The following CMC1 variants were observed in gnomAD, a reference collection of about 807,000 sequenced individuals.
The protein encoded by CMC1 is COX assembly mitochondrial protein homolog.
CMC1 carries 14 observed loss-of-function variants against 14.1 expected under a neutral mutation model. The ratio of observed to expected loss-of-function variants is 0.99; its 90% CI spans 0.66 to 1.55. CMC1 has a LOEUF of 1.55. CMC1 is among the 40% of genes most tolerant of loss of function. CMC1 has a pLI of 0.00. For synonymous variants in CMC1, 50 were observed against 38.4 expected (o/e 1.30, Z -1.12); for missense variants, 127 against 123.8 (o/e 1.03, Z -0.12).
At chr3:28,264,200 G>A (rs918902733) in intron 2 of CMC1, among the ~76,000 whole-genome samples, 2 of 152,198 alleles carry the variant, frequency 1.3e-5, no homozygotes, top group African/African-American at 4.8e-5. Flanking sequence ...CACTTTCCCT[G>A]TGGTCATCTT....
intron 1 of CMC1, among the ~76,000 whole-genome samples, chr3:28,255,202 A>G (rs1472139323): frequency 6.8e-6 from 1 of 147,092 alleles, no homozygotes; most frequent in Non-Finnish European, 1.5e-5. Flanking sequence ...CTCTCCAACC[A>G]TGCTTCCAGT....
chr3:28,324,615 G>A lies in CMC1; in HGVS notation c.*4986G>A, dbSNP rs1703312804. 1 of 557,970 alleles carries A rather than the reference G, an allele frequency of 1.8e-6. No homozygotes were observed. Among genetic ancestry groups the A allele is most frequent in the South Asian group, 7.1e-5 (1 of 14,080 alleles). 34.6% of individuals were successfully genotyped at this position (557,970 alleles called of 1,614,324 possible). ...TGTGACTAGGAGATAAATGACAGAT[G>A]ATCTGAGTTTTAATCCTGGATCAGC... On this transcript the variant is annotated 3_prime_UTR_variant, in exon 4 of 4. Transcript: ENST00000466830.
At chr3:28,315,639 C>T (rs1025640062) in intron 2 of CMC1, among the ~76,000 whole-genome samples, 2 of 152,280 alleles carry the variant, frequency 1.3e-5, no homozygotes, top group East Asian at 3.9e-4. Context: ...CTAGAATATA[C>T]AGTCGTGCAC....
intron 1 of CMC1, among the ~76,000 whole-genome samples, chr3:28,243,403 A>G (rs1698637024): frequency 6.6e-6 from 1 of 152,218 alleles, no homozygotes; most frequent in South Asian, 2.1e-4. Context: ...GTAATCTCAT[A>G]CGGATGAGGA....
chr3:28,258,586 G>T, intron 1 of CMC1, among the ~76,000 whole-genome samples: 1 of 140,490 alleles, frequency 7.1e-6, no homozygotes, highest in East Asian at 2.1e-4. Flanking sequence ...CCAATAAATT[G>T]ATCGTATATA....
intron 2 of CMC1, among the ~76,000 whole-genome samples, chr3:28,306,663 A>C (rs1317124093): frequency 7.1e-6 from 1 of 141,302 alleles, no homozygotes; most frequent in Non-Finnish European, 1.5e-5. Context: ...TTTTTTTTTG[A>C]GACAGAGTCT....
At chr3:28,250,822 G>A (rs191498171) in intron 1 of CMC1, among the ~76,000 whole-genome samples, 5 of 152,296 alleles carry the variant, frequency 3.3e-5, no homozygotes, top group African/African-American at 1.2e-4. Flanking sequence ...TGCCCCAGGA[G>A]GATTAAGTAC....
At chr3:28,252,420 G>A (rs1179981846) in intron 1 of CMC1, among the ~76,000 whole-genome samples, 1 of 152,206 alleles carries the variant, frequency 6.6e-6, no homozygotes, top group Non-Finnish European at 1.5e-5. Flanking sequence ...AAATTAGATT[G>A]TTAGTGGCTG....
chr3:28,250,875 A>G (rs1287897155), intron 1 of CMC1, among the ~76,000 whole-genome samples: 2 of 152,146 alleles, frequency 1.3e-5, no homozygotes, highest in Non-Finnish European at 2.9e-5. Flanking sequence ...TATTGTTACC[A>G]TTGTTCAGGA....
intron 2 of CMC1, among the ~76,000 whole-genome samples, chr3:28,296,543 CAAAT>C (rs1701748910): frequency 6.6e-6 from 1 of 151,946 alleles, no homozygotes; most frequent in Admixed American, 6.6e-5. Flanking sequence ...TGGAATTTAA[CAAAT>C]AAGACTGTGA....
chr3:28,275,242 G>T (rs950976282), intron 2 of CMC1, among the ~76,000 whole-genome samples: 2 of 150,604 alleles, frequency 1.3e-5, no homozygotes, highest in Non-Finnish European at 2.9e-5. Context: ...TCTAGCTTCG[G>T]TCTTTGATGT....
chr3:28,314,274 A>C (rs939412435), intron 2 of CMC1, among the ~76,000 whole-genome samples: 2 of 152,192 alleles, frequency 1.3e-5, no homozygotes, highest in African/African-American at 4.8e-5. Flanking sequence ...AAGTTAGTTG[A>C]CTTTTAGATA....
intron 2 of CMC1, among the ~76,000 whole-genome samples, chr3:28,298,825 G>C (rs1406355444): frequency 6.6e-6 from 1 of 151,982 alleles, no homozygotes; most frequent in East Asian, 1.9e-4. Context: ...AGATGGGTCA[G>C]TATGTTCTGT....
chr3:28,258,451 T>C (rs1161829938), intron 1 of CMC1, among the ~76,000 whole-genome samples: 1 of 151,746 alleles, frequency 6.6e-6, no homozygotes, highest in Non-Finnish European at 1.5e-5. Context: ...TAATTAATTT[T>C]TGTGGTTACT....
intron 2 of CMC1, among the ~76,000 whole-genome samples, chr3:28,306,229 A>G (rs536800650): frequency 6.6e-6 from 1 of 152,254 alleles, no homozygotes; most frequent in Admixed American, 6.5e-5. Context: ...GAAAAATGAC[A>G]TTGGTAATTT....
chr3:28,309,418 T>A (rs1180802854), intron 2 of CMC1, among the ~76,000 whole-genome samples: 3 of 152,130 alleles, frequency 2.0e-5, no homozygotes, highest in Admixed American at 6.6e-5. Flanking sequence ...TGGTGTTTTT[T>A]AAGTCATCAA....
chr3:28,319,878 C>G lies in CMC1; in HGVS notation c.*249C>G. 3.6e-6 allele frequency: 1 copy of G among 279,464 alleles called. No individual in the cohort carries two copies. The highest frequency in any genetic ancestry group is 7.3e-5 in the East Asian group (1 of 13,748). 17.3% of individuals were successfully genotyped at this position (279,464 alleles called of 1,614,324 possible). ...TTTTCCCACAACTATAGTTCTATAA[C>G]AGTGATACTGATTTTTTAGAGTTCA... On this transcript the variant is annotated 3_prime_UTR_variant, in exon 4 of 4. Transcript: ENST00000466830.
intron 2 of CMC1, among the ~76,000 whole-genome samples, chr3:28,285,060 G>A (rs891270432): frequency 1.4e-4 from 21 of 152,126 alleles, no homozygotes; most frequent in African/African-American, 5.1e-4. Flanking sequence ...TAATCCAAAT[G>A]AGCAGAAATT....
chr3:28,312,901 G>C (rs1231327294), intron 2 of CMC1, among the ~76,000 whole-genome samples: 1 of 151,886 alleles, frequency 6.6e-6, no homozygotes, highest in East Asian at 1.9e-4. Context: ...CTGTTGCCCA[G>C]GCTGGAGTGC....
Sources: gnomAD v4.1 joint callset for allele counts (sites outside exome capture counted in the v4.1 genomes callset) on GRCh38, gnomAD v4.1.1 for gene constraint, MANE v1.5 for transcripts, NCBI Gene and HGNC (gene_info 2026-07-23, HGNC 2026-07-21) for gene names.